Variants in COL18A1 observed in about 807,000 individuals in gnomAD.
COL18A1 encodes the protein collagen type XVIII alpha 1 chain, also known as collagen alpha-1(XVIII) chain.
A neutral mutation model predicts 168.0 loss-of-function variants in COL18A1; 133 were observed. The ratio of observed to expected loss-of-function variants is 0.79; its 90% CI spans 0.69 to 0.91. COL18A1 has a LOEUF of 0.91. Among genes scored for constraint, COL18A1 ranks in the 40% least tolerant of loss-of-function variants. The pLI is 0.00. For missense variants in COL18A1, 2,126 were observed against 1,925.4 expected (o/e 1.10, Z -1.95); for synonymous variants, 949 against 809.0 (o/e 1.17, Z -2.94).
rs2036309630 is a variant in COL18A1, at chr21:45,490,804, G to C, written c.2032-32G>C. On this transcript the variant is annotated intron_variant, in intron 20 of 41. Coordinates refer to ENST00000651438, the MANE Select transcript of COL18A1 (RefSeq NM_001379500.1). ...GGGGCCAGGGGCTCCTGTTTCTGTT[G>C]GTGATGAACCATTTCCTTCCTGTCT... is the stretch of plus-strand genomic sequence containing the variant. 1.9e-6 allele frequency: 3 copies of C among 1,548,960 alleles called. No homozygotes were observed. The Admixed American group carries it at 5.9e-5, about 30-fold the overall frequency.
intron 21 of COL18A1, 133 bp from the exon 22 acceptor site, chr21:45,491,092 G>T: frequency 1.1e-6 from 1 of 887,966 alleles, no homozygotes; most frequent in South Asian, 1.4e-5. Context: ...GGGCTCCAAG[G>T]CCACAGTCCA....
chr21:45,489,598 G>T, intron 19 of COL18A1, 77 bp downstream of exon 19: 2 of 959,580 alleles, frequency 2.1e-6, no homozygotes, highest in Non-Finnish European at 3.1e-6. Context: ...GCGGAGATCA[G>T]CTCGGGGCGG....
At chr21:45,452,580 T>C (rs533105952) in intron 2 of COL18A1, among the ~76,000 whole-genome samples, 3 of 152,146 alleles carry the variant, frequency 2.0e-5, no homozygotes, top group South Asian at 4.2e-4. Context: ...TGTAAGCATG[T>C]ATGTACATGT....
At chr21:45,510,317 G>A in intron 40 of COL18A1, 56 bp downstream of exon 40, 2 of 1,535,344 alleles carry the variant, frequency 1.3e-6, no homozygotes, top group Admixed American at 1.9e-5. Context: ...TGACCTCTGG[G>A]GTGAACTCCC....
At chr21:45,509,145 G>C (rs1363783952) in intron 38 of COL18A1, among the ~76,000 whole-genome samples, 2 of 152,076 alleles carry the variant, frequency 1.3e-5, no homozygotes, top group African/African-American at 4.8e-5. Context: ...GGCCTGAGCA[G>C]AGGTGACCCG....
chr21:45,501,422 T>C (rs1342437288), intron 32 of COL18A1, among the ~76,000 whole-genome samples: 1 of 152,090 alleles, frequency 6.6e-6, no homozygotes, highest in East Asian at 1.9e-4. Context: ...GGGCCCAGGC[T>C]GGGCTGAAAG....
chr21:45,482,117 A>C, intron 14 of COL18A1, 92 bp downstream of exon 14: 1 of 970,352 alleles, frequency 1.0e-6, no homozygotes, highest in Non-Finnish European at 1.6e-6. Flanking sequence ...CGTGAAGGGG[A>C]AATGCCAGGA....
chr21:45,503,982 G>A, intron 32 of COL18A1, 29 bp from the exon 33 acceptor site: 1 of 1,613,118 alleles, frequency 6.2e-7, no homozygotes, highest in Non-Finnish European at 8.5e-7. Context: ...CACCACCTCA[G>A]CGAGACCCCG....
intron 2 of COL18A1, among the ~76,000 whole-genome samples, chr21:45,450,262 C>G (rs926320275): frequency 2.6e-5 from 4 of 152,164 alleles, no homozygotes; most frequent in Non-Finnish European, 5.9e-5. Context: ...GGGGCAAGGA[C>G]AAGCTCAGGG....
At position 45,457,732 on chromosome 21, in the gene COL18A1, C is replaced by T. The variant is rs1388072990; in HGVS notation, c.107-10510C>T. On this transcript the variant is annotated intron_variant, in intron 2 of 41. Coordinates refer to ENST00000651438, the MANE Select transcript of COL18A1 (RefSeq NM_001379500.1). The surrounding 1 kb of genome is among the most constrained non-coding windows in gnomAD (Gnocchi z 4.6). ...AGCCTTGGCCCAGAGGCCCTATCCC[C>T]GCAGGGTGAGGTGCTCTGTCCTCCT... Among the ~76,000 whole-genome samples the T allele has an allele frequency of 1.3e-5, 2 of 152,202 alleles. No individual in the cohort carries two copies. The highest frequency in any genetic ancestry group is 2.9e-5 in the Non-Finnish European group (2 of 68,044).
At chr21:45,417,370 T>C (rs2033477463) in intron 2 of COL18A1, among the ~76,000 whole-genome samples, 1 of 152,244 alleles carries the variant, frequency 6.6e-6, no homozygotes, top group South Asian at 2.1e-4. Context: ...CTGTAGTCTC[T>C]GGATTGGCCC....
At chr21:45,492,610 G>T in intron 23 of COL18A1, 46 bp downstream of exon 23, 1 of 1,612,310 alleles carries the variant, frequency 6.2e-7, no homozygotes, top group Non-Finnish European at 8.5e-7. Flanking sequence ...CGGGGACCTG[G>T]GTACAAGGCT....
At chr21:45,480,253 C>T in intron 11 of COL18A1, 97 bp downstream of exon 11, 3 of 1,131,378 alleles carry the variant, frequency 2.7e-6, no homozygotes, top group Non-Finnish European at 3.9e-6. Flanking sequence ...CCCTCAGGGG[C>T]TTGCGTGGGG....
intron 2 of COL18A1, among the ~76,000 whole-genome samples, chr21:45,431,525 G>A (rs1360497116): frequency 5.6e-5 from 6 of 106,474 alleles, no homozygotes; most frequent in African/African-American, 8.8e-5. Flanking sequence ...GGGGAGGGGG[G>A]CAGGCAGGAC....
chr21:45,485,456 A>T (rs2036077206), intron 15 of COL18A1, among the ~76,000 whole-genome samples: 1 of 152,018 alleles, frequency 6.6e-6, no homozygotes, highest in Admixed American at 6.6e-5. Flanking sequence ...CAATCATGCC[A>T]CTGTGCTCTA....
chr21:45,492,744 G>GCCCGCCGCTGCCCT, intron 24 of COL18A1, 31 bp downstream of exon 24: 1 of 1,551,336 alleles, frequency 6.4e-7, no homozygotes, highest in Admixed American at 1.7e-5. Context: ...GCTGCATGCT[G>GCCCGCCGCTGCCCT]CCCGGCTGGG....
At chr21:45,442,053 C>T (rs2034383227) in intron 2 of COL18A1, among the ~76,000 whole-genome samples, 1 of 152,186 alleles carries the variant, frequency 6.6e-6, no homozygotes, top group South Asian at 2.1e-4. Context: ...GTCACCTCGC[C>T]CTCATCCACG....
intron 31 of COL18A1, 83 bp downstream of exon 31, chr21:45,497,175 A>G: frequency 1.1e-6 from 1 of 915,320 alleles, no homozygotes; most frequent in Non-Finnish European, 1.8e-6. Context: ...TGCCAGCAGC[A>G]GTGAGACTCC....
In COL18A1 at chr21:45,406,225, G is replaced by A. The variant is rs1160793859; in HGVS notation, c.106+752G>A. On this transcript the variant is annotated intron_variant, in intron 2 of 41. Coordinates refer to ENST00000651438, the MANE Select transcript of COL18A1 (RefSeq NM_001379500.1). Reference sequence around the variant, plus strand: ...GCCCGGGGGAGGCGGCGGGGACGCGGACCCCAGGGGAGCCCCGCCCAAAGG... The same window carrying A: ...GCCCGGGGGAGGCGGCGGGGACGCGAACCCCAGGGGAGCCCCGCCCAAAGG... Among the ~76,000 whole-genome samples the A allele has an allele frequency of 2.0e-5, 3 of 152,176 alleles. No homozygotes were observed. The East Asian group carries it at 5.8e-4, about 30-fold the overall frequency.
Sources: gnomAD v4.1 joint callset for allele counts (sites outside exome capture counted in the v4.1 genomes callset) on GRCh38, gnomAD v4.1.1 for gene constraint, Gnocchi (gnomAD v3.1) non-coding constraint, MANE v1.5 for transcripts, NCBI Gene and HGNC (gene_info 2026-07-23, HGNC 2026-07-21) for gene names.